The following APPL2 variants were observed in gnomAD, a reference collection of about 807,000 sequenced individuals.
The protein encoded by APPL2 is adaptor protein, phosphotyrosine interacting with PH domain and leucine zipper 2, also known as DCC-interacting protein 13-beta.
In APPL2, 84 loss-of-function variants were observed where a neutral mutation model predicts 92.7. The ratio of observed to expected loss-of-function variants is 0.91; its 90% CI spans 0.76 to 1.09. The LOEUF (loss-of-function observed/expected upper bound fraction) is 1.09, where lower values mean the gene tolerates loss of function less well. Ranked by LOEUF, APPL2 falls within the 50% of genes least tolerant of loss-of-function variation. APPL2 has a pLI of 0.00. For synonymous variants in APPL2, 291 were observed against 291.0 expected, an observed-to-expected ratio of 1.00 and a Z score of 0.00; for missense variants, 736 against 824.5, an observed-to-expected ratio of 0.89 and a Z score of 1.31.
intron 20 of APPL2, among the ~76,000 whole-genome samples, chr12:105,174,883 G>GGGGC (rs1555244833): frequency 1.4e-5 from 2 of 139,510 alleles, no homozygotes; most frequent in Admixed American, 7.1e-5. Flanking sequence ...TGGTGGGGGG[G>GGGGC]GGGGTGGTGC....
At chr12:105,222,148 C>T (rs535936855) in intron 2 of APPL2, among the ~76,000 whole-genome samples, 14 of 152,162 alleles carry the variant, frequency 9.2e-5, no homozygotes, top group Admixed American at 2.0e-4. Flanking sequence ...GTGGCAAGAA[C>T]GCGGCTGGAG....
rs143174780 is a variant in APPL2, at chr12:105,174,786, T to C, written c.1861-338A>G. Among the ~76,000 whole-genome samples, 255 of 152,086 alleles carry C rather than the reference T, an allele frequency of 1.7e-3. 2 individuals carry two copies. Among genetic ancestry groups the C allele is most frequent in the African/African-American group, 5.6e-3 (232 of 41,478 alleles). On this transcript the variant is annotated intron_variant, in intron 20 of 20. Coordinates refer to ENST00000258530, the MANE Select transcript of APPL2 (RefSeq NM_018171.5). Reference sequence around the variant, plus strand: ...ATCTATACCAGAAGTTGGCAAACTATGGTCATTTGGCTAACCATTTGATTT... The same window carrying C: ...ATCTATACCAGAAGTTGGCAAACTACGGTCATTTGGCTAACCATTTGATTT...
intron 2 of APPL2, among the ~76,000 whole-genome samples, chr12:105,223,541 T>G (rs1377875828): frequency 6.6e-6 from 1 of 151,672 alleles, no homozygotes; most frequent in Non-Finnish European, 1.5e-5. Context: ...CAGAATCAGA[T>G]GTTGCCCATG....
chr12:105,224,010 G>A (rs1429849040), intron 2 of APPL2, among the ~76,000 whole-genome samples: 1 of 152,112 alleles, frequency 6.6e-6, no homozygotes, highest in East Asian at 1.9e-4. Context: ...TGAAGTCCAA[G>A]GTCACACACT....
intron 2 of APPL2, among the ~76,000 whole-genome samples, chr12:105,225,343 A>G (rs1349736026): frequency 6.6e-6 from 1 of 152,178 alleles, no homozygotes; most frequent in African/African-American, 2.4e-5. Context: ...CTTTCTCAGT[A>G]CAACAGCTGA....
chr12:105,211,679 G>C (rs1889231857), intron 4 of APPL2, among the ~76,000 whole-genome samples: 1 of 152,184 alleles, frequency 6.6e-6, no homozygotes, highest in Admixed American at 6.5e-5. Flanking sequence ...AGCTGTCAGT[G>C]CTGTCATGGC....
intron 19 of APPL2, 140 bp downstream of exon 19, chr12:105,176,736 T>G (rs1407080953): frequency 9.0e-7 from 1 of 1,108,924 alleles, no homozygotes; most frequent in South Asian, 1.7e-5. Flanking sequence ...TGAGGCCTTC[T>G]TAGGAGGTAT....
intron 1 of APPL2, among the ~76,000 whole-genome samples, chr12:105,234,115 GAT>G (rs1324279205): frequency 2.0e-5 from 3 of 152,162 alleles, no homozygotes; most frequent in Non-Finnish European, 4.4e-5. Flanking sequence ...TCTTAAGGGT[GAT>G]GGCCAAGTCT....
chr12:105,176,082 T>C lies in APPL2; in HGVS notation c.1813A>G (p.Ile605Val), dbSNP rs1262380997. 2.5e-6 allele frequency: 4 copies of C among 1,590,398 alleles called. No individual in the cohort carries two copies. The highest frequency in any genetic ancestry group is 2.6e-6 in the Non-Finnish European group (3 of 1,172,196). The stretch of plus-strand genomic sequence containing the variant: ...TTTCCCAAATTAATAGCATAACATA[T>C]CTGCAAAAGACAAGAAAAGTAGTGA... ...IFESNSEGEKICYAINLGKEI... is the reference protein window; with the variant it reads ...IFESNSEGEKVCYAINLGKEI... The change falls in exon 20 of 21, where the codon ATA (isoleucine) becomes GTA (valine). Residue 605 changes from isoleucine (I) to valine (V), a missense_variant and splice_region_variant. Ile to Val is a conservative substitution (Grantham distance 29). Coordinates refer to ENST00000258530, the MANE Select transcript of APPL2 (RefSeq NM_018171.5).
chr12:105,212,257 C>G (rs1371718497), intron 4 of APPL2, among the ~76,000 whole-genome samples: 1 of 152,160 alleles, frequency 6.6e-6, no homozygotes, highest in African/African-American at 2.4e-5. Context: ...TTTAACAGCC[C>G]TTGACTCTTT....
At chr12:105,191,890 G>C (rs894019171) in intron 14 of APPL2, among the ~76,000 whole-genome samples, 5 of 152,028 alleles carry the variant, frequency 3.3e-5, no homozygotes, top group African/African-American at 1.2e-4. Context: ...GGATTCTGTT[G>C]CAGGCTCTGC....
At chr12:105,185,856 G>T (rs1439501528) in intron 17 of APPL2, among the ~76,000 whole-genome samples, 1 of 151,980 alleles carries the variant, frequency 6.6e-6, no homozygotes, top group African/African-American at 2.4e-5. Flanking sequence ...TCATAACTTT[G>T]TGCAGCCATT....
chr12:105,186,681 CAT>C (rs373719036), intron 17 of APPL2, among the ~76,000 whole-genome samples: 624 of 45,256 alleles, frequency 0.014, 16 homozygotes, highest in East Asian at 0.096. Context: ...TATGATATAT[CAT>C]ATATATATCA....
chr12:105,222,465 G>T (rs2440707), intron 2 of APPL2, among the ~76,000 whole-genome samples: 1 of 151,594 alleles, frequency 6.6e-6, no homozygotes, highest in Non-Finnish European at 1.5e-5. Flanking sequence ...GAGTGAGGAA[G>T]GCGGGGGAGT....
chr12:105,203,659 G>A, intron 9 of APPL2, 44 bp downstream of exon 9: 1 of 1,578,528 alleles, frequency 6.3e-7, no homozygotes, highest in Non-Finnish European at 8.7e-7. Flanking sequence ...AGATCAGCAT[G>A]AAAGGCAAGG....
chr12:105,197,561 TA>T (rs1887770015), intron 11 of APPL2, among the ~76,000 whole-genome samples: 1 of 152,162 alleles, frequency 6.6e-6, no homozygotes, highest in African/African-American at 2.4e-5. Flanking sequence ...CTTATCTCCA[TA>T]TGGGATAAGG....
intron 1 of APPL2, chr12:105,229,826 T>C: frequency 2.1e-5 from 19 of 914,920 alleles, no homozygotes; most frequent in Non-Finnish European, 2.4e-5. Flanking sequence ...TTGCCCAGGC[T>C]GGAGTGCAAT....
chr12:105,197,242 TACCAC>T (rs1276413668), intron 11 of APPL2, among the ~76,000 whole-genome samples: 1 of 152,146 alleles, frequency 6.6e-6, no homozygotes, highest in African/African-American at 2.4e-5. Flanking sequence ...ATTGGTAAAG[TACCAC>T]CTCTTTGGGG....
intron 10 of APPL2, 91 bp downstream of exon 10, chr12:105,199,280 CCT>C (rs1256207832): frequency 1.7e-5 from 24 of 1,451,626 alleles, no homozygotes; most frequent in Admixed American, 8.0e-5. Context: ...CACCCACCTC[CCT>C]CTGACTTTAA....
Sources: gnomAD v4.1 joint callset for allele counts (sites outside exome capture counted in the v4.1 genomes callset) on GRCh38, gnomAD v4.1.1 for gene constraint, MANE v1.5 for transcripts, NCBI Gene and HGNC (gene_info 2026-07-23, HGNC 2026-07-21) for gene names.